Variants in RPS6KA2 observed in about 807,000 individuals in gnomAD.
RPS6KA2 encodes ribosomal protein S6 kinase alpha-2.
A neutral mutation model predicts 91.8 loss-of-function variants in RPS6KA2; 42 were observed. That is an observed-to-expected ratio of 0.46 (90% CI 0.36 to 0.59). The LOEUF is 0.59. Among genes scored for constraint, RPS6KA2 ranks in the 20% least tolerant of loss-of-function variants. RPS6KA2 has a pLI of 0.00. For missense variants in RPS6KA2, 798 were observed against 978.5 expected, an observed-to-expected ratio of 0.82 and a Z score of 2.46; for synonymous variants, 414 against 393.6, an observed-to-expected ratio of 1.05 and a Z score of -0.61.
chr6:166,466,276 C>T (rs551918053), intron 11 of RPS6KA2, among the ~76,000 whole-genome samples: 8 of 152,304 alleles, frequency 5.3e-5, no homozygotes, highest in Non-Finnish European at 7.3e-5. Context: ...AGGAAAAAGG[C>T]GGCTTCTGCT....
chr6:166,527,352 C>T (rs1583242477), intron 3 of RPS6KA2, among the ~76,000 whole-genome samples: 1 of 152,140 alleles, frequency 6.6e-6, no homozygotes, highest in Admixed American at 6.5e-5. Context: ...GAGAGGTGAA[C>T]ATGGAACCGC....
chr6:166,840,395 G>A (rs781720197), intron 2 of RPS6KA2, among the ~76,000 whole-genome samples: 8 of 152,158 alleles, frequency 5.3e-5, no homozygotes, highest in African/African-American at 9.7e-5. Flanking sequence ...AGAGCTGCCC[G>A]GGGACCCTCT....
upstream of RPS6KA2, among the ~76,000 whole-genome samples, chr6:166,630,295 T>G (rs1189246576): frequency 3.3e-5 from 5 of 152,218 alleles, no homozygotes; most frequent in Non-Finnish European, 2.9e-5. Flanking sequence ...TTGAGTGACA[T>G]CCAAGAGCTT....
At chr6:166,455,229 A>G (rs1234355842) in intron 12 of RPS6KA2, among the ~76,000 whole-genome samples, 1 of 152,060 alleles carries the variant, frequency 6.6e-6, no homozygotes. Flanking sequence ...GCAGCTGCAG[A>G]GAACACGTGT....
chr6:166,507,275 C>T (rs571646246), intron 5 of RPS6KA2, among the ~76,000 whole-genome samples: 1 of 152,210 alleles, frequency 6.6e-6, no homozygotes, highest in East Asian at 1.9e-4. Flanking sequence ...GGTCCCAGAG[C>T]TGCAGGGGCG....
At chr6:166,513,361 G>A (rs1029473674) in intron 3 of RPS6KA2, among the ~76,000 whole-genome samples, 3 of 152,210 alleles carry the variant, frequency 2.0e-5, no homozygotes, top group African/African-American at 7.2e-5. Flanking sequence ...GAGGGTGCGG[G>A]AGCGACTGCT....
intron 2 of RPS6KA2, among the ~76,000 whole-genome samples, chr6:166,531,688 G>A (rs572426855): frequency 9.2e-5 from 14 of 152,186 alleles, no homozygotes; most frequent in East Asian, 5.8e-4. Flanking sequence ...GAGAGACCAC[G>A]CTGAAAGGTA....
intron 2 of RPS6KA2, among the ~76,000 whole-genome samples, chr6:166,671,909 C>T (rs563976767): frequency 2.0e-5 from 3 of 152,182 alleles, no homozygotes; most frequent in East Asian, 1.9e-4. Flanking sequence ...GGTTCAGATT[C>T]GCAGGAGGAC....
At chr6:166,528,857 A>C (rs556557729) in intron 3 of RPS6KA2, among the ~76,000 whole-genome samples, 2 of 152,320 alleles carry the variant, frequency 1.3e-5, no homozygotes, top group East Asian at 1.9e-4. Context: ...AATGCAAATC[A>C]AAACCACAAT....
At chr6:166,848,337 G>A (rs926059987) in intron 2 of RPS6KA2, among the ~76,000 whole-genome samples, 1 of 152,194 alleles carries the variant, frequency 6.6e-6, no homozygotes, top group African/African-American at 2.4e-5. Context: ...CAACCACTAT[G>A]GAAAACAGTG....
chr6:166,730,457 T>C (rs1267217227), intron 2 of RPS6KA2, among the ~76,000 whole-genome samples: 2 of 152,232 alleles, frequency 1.3e-5, no homozygotes, highest in African/African-American at 4.8e-5. Context: ...ATTCTGATGA[T>C]TATATGAAAT....
chr6:166,608,063 T>C (rs1229735607), intron 1 of RPS6KA2, among the ~76,000 whole-genome samples: 3 of 151,896 alleles, frequency 2.0e-5, no homozygotes, highest in Non-Finnish European at 4.4e-5. Context: ...CCTTTTATTA[T>C]AGTGCATCTT....
intron 6 of RPS6KA2, 131 bp from the exon 7 acceptor site, chr6:166,501,055 C>T: frequency 2.7e-6 from 2 of 737,654 alleles, no homozygotes; most frequent in South Asian, 3.3e-5. Flanking sequence ...GGAGCTGGCC[C>T]AGGAGATCCC....
chr6:166,770,862 C>A lies in RPS6KA2; in HGVS notation c.123+87338G>T. The A allele has an allele frequency of 6.3e-7, 1 of 1,595,164 alleles. No homozygotes were observed. The highest frequency in any genetic ancestry group is 8.5e-7 in the Non-Finnish European group (1 of 1,179,040). On this transcript the variant is annotated intron_variant, in intron 2 of 21. Coordinates refer to the RPS6KA2 transcript ENST00000503859. The surrounding 1 kb of genome is among the most constrained non-coding windows in gnomAD (Gnocchi z 5.1). ...AACAAACCCACAGGAACGCTTCTTA[C>A]CTCTACGGATCCAGCTACCTTTGTC...
At chr6:166,421,066 A>G (rs1778704440) in intron 17 of RPS6KA2, among the ~76,000 whole-genome samples, 2 of 152,200 alleles carry the variant, frequency 1.3e-5, no homozygotes, top group African/African-American at 4.8e-5. Context: ...CAGCCAGCGC[A>G]TGCTGAATGA....
At chr6:166,602,831 A>C (rs1352062906) in intron 1 of RPS6KA2, among the ~76,000 whole-genome samples, 2 of 152,214 alleles carry the variant, frequency 1.3e-5, no homozygotes, top group Non-Finnish European at 2.9e-5. Flanking sequence ...TTATGGGTGC[A>C]AAGGTGTTTC....
intron 2 of RPS6KA2, among the ~76,000 whole-genome samples, chr6:166,818,962 G>A (rs1411474459): frequency 6.6e-6 from 1 of 151,938 alleles, no homozygotes; most frequent in Non-Finnish European, 1.5e-5. Context: ...CCCTTCATCG[G>A]GGAGTGTGGC....
At chr6:166,751,186 C>A (rs954958340) in intron 2 of RPS6KA2, among the ~76,000 whole-genome samples, 1 of 152,218 alleles carries the variant, frequency 6.6e-6, no homozygotes, top group African/African-American at 2.4e-5. Context: ...GTTTTGCCAG[C>A]CCCGTGCTCC....
At chr6:166,539,402 G>A (rs1480673016) in intron 1 of RPS6KA2, among the ~76,000 whole-genome samples, 7 of 152,296 alleles carry the variant, frequency 4.6e-5, no homozygotes, top group Middle Eastern at 3.4e-3. Flanking sequence ...GTTCTGGTAC[G>A]ATGAATATAG....
Sources: gnomAD v4.1 joint callset for allele counts (sites outside exome capture counted in the v4.1 genomes callset) on GRCh38, gnomAD v4.1.1 for gene constraint, Gnocchi (gnomAD v3.1) non-coding constraint, MANE v1.5 for transcripts, NCBI Gene and HGNC (gene_info 2026-07-23, HGNC 2026-07-21) for gene names.